The following FBXO8 variants were observed in gnomAD, a reference collection of about 807,000 sequenced individuals.
The protein encoded by FBXO8 is F-box protein 8, also known as F-box only protein 8.
FBXO8 carries 15 observed loss-of-function variants against 33.4 expected under a neutral mutation model. The observed-to-expected ratio is 0.45, with a 90% CI of 0.30 to 0.69. FBXO8 has a LOEUF of 0.69. Ranked by LOEUF, FBXO8 falls within the 30% of genes least tolerant of loss-of-function variation. The pLI is 0.08. For missense variants in FBXO8, 274 were observed against 380.3 expected (o/e 0.72, Z 2.32); for synonymous variants, 132 against 131.5 (o/e 1.00, Z -0.02).
At chr4:174,249,499 A>G (rs1030078736) in intron 3 of FBXO8, among the ~76,000 whole-genome samples, 12 of 152,034 alleles carry the variant, frequency 7.9e-5, no homozygotes, top group South Asian at 6.2e-4. Context: ...TTAAATGACT[A>G]ACCCATAAAT....
intron 1 of FBXO8, among the ~76,000 whole-genome samples, chr4:174,280,922 G>C (rs775561981): frequency 1.5e-4 from 23 of 152,252 alleles, no homozygotes; most frequent in Admixed American, 1.1e-3. Flanking sequence ...AGTTTTACAA[G>C]ATAAAAAGAG....
intron 1 of FBXO8, among the ~76,000 whole-genome samples, chr4:174,268,715 C>T (rs557819148): frequency 6.6e-6 from 1 of 152,280 alleles, no homozygotes; most frequent in Admixed American, 6.5e-5. Flanking sequence ...GGATTACAGG[C>T]GTGAGCCACC....
At chr4:174,249,930 T>C (rs1166005936) in intron 3 of FBXO8, among the ~76,000 whole-genome samples, 1 of 151,944 alleles carries the variant, frequency 6.6e-6, no homozygotes, top group Non-Finnish European at 1.5e-5. Context: ...TGAAGGACCA[T>C]TCGTCAGGTG....
At position 174,281,118 on chromosome 4, in the gene FBXO8, CAAATT is replaced by C. The variant is rs1737077054; in HGVS notation, c.-9+2287_-9+2291del. 2.0e-5 allele frequency among the ~76,000 whole-genome samples: 3 copies of C among 152,042 alleles called. No individual in the cohort carries two copies. Among genetic ancestry groups the C allele is most frequent in the African/African-American group, 7.2e-5 (3 of 41,432 alleles). On this transcript the variant is annotated intron_variant, in intron 1 of 5. Transcript: ENST00000393674. The surrounding 1 kb of genome is among the most constrained non-coding windows in gnomAD (Gnocchi z 4.6). ...AAATGAGGGAAAAAACTCTGAAAAA[CAAATT>C]AATAAATAAAAGAAGAGATGATGGC...
rs897862997 is a variant in FBXO8, at chr4:174,265,546, G to A, written c.-8-2446C>T. Among the ~76,000 whole-genome samples, 1 of 152,104 alleles carries A rather than the reference G, an allele frequency of 6.6e-6. No individual in the cohort carries two copies. The highest frequency in any genetic ancestry group is 1.5e-5 in the Non-Finnish European group (1 of 67,974). On this transcript the variant is annotated intron_variant, in intron 1 of 5. Transcript: ENST00000393674. The surrounding 1 kb of genome is among the most constrained non-coding windows in gnomAD (Gnocchi z 4.7). Reference sequence around the variant, plus strand: ...AAAAAGAAATGAGCTATCAAGCAATGAAAAGACATGGAGGAACTTTAAGTG... The same window carrying A: ...AAAAAGAAATGAGCTATCAAGCAATAAAAAGACATGGAGGAACTTTAAGTG...
chr4:174,242,028 A>G (rs1736052303), intron 3 of FBXO8, among the ~76,000 whole-genome samples: 1 of 151,626 alleles, frequency 6.6e-6, no homozygotes, highest in Admixed American at 6.6e-5. Flanking sequence ...GTTACATTCA[A>G]ATAAATGTCT....
At position 174,265,850 on chromosome 4, in the gene FBXO8, C is replaced by T. The variant is rs1028720093; in HGVS notation, c.-8-2750G>A. On this transcript the variant is annotated intron_variant, in intron 1 of 5. Coordinates refer to ENST00000393674, the MANE Select transcript of FBXO8 (RefSeq NM_012180.3). The surrounding 1 kb of genome is among the most constrained non-coding windows in gnomAD (Gnocchi z 4.7). ...GAAAAGTATTTTATTTTCACCATTG[C>T]TATTCCTCTATTTAACTTAGCAAGA... Among the ~76,000 whole-genome samples, 2 of 152,106 alleles carry T rather than the reference C, an allele frequency of 1.3e-5. No homozygotes were observed. The highest frequency in any genetic ancestry group is 2.1e-4 in the South Asian group (1 of 4,830).
At chr4:174,268,961 CAAAT>C (rs1349464511) in intron 1 of FBXO8, 1 of 152,194 alleles carries the variant, frequency 6.6e-6, no homozygotes, top group Non-Finnish European at 1.5e-5. Flanking sequence ...TTGGGAGATA[CAAAT>C]AAATGTTAGT....
intron 3 of FBXO8, among the ~76,000 whole-genome samples, chr4:174,246,578 G>A (rs13144538): frequency 1.1e-4 from 16 of 147,784 alleles, no homozygotes; most frequent in African/African-American, 3.7e-4. Context: ...AAATTAAAGG[G>A]AAAAAAGAGA....
intron 1 of FBXO8, among the ~76,000 whole-genome samples, chr4:174,273,283 T>C (rs1235875804): frequency 6.9e-6 from 1 of 145,650 alleles, no homozygotes; most frequent in African/African-American, 2.6e-5. Context: ...CAAAACTCTG[T>C]TCCTAAAAAA....
chr4:174,241,024 A>G lies in FBXO8; in HGVS notation c.575+76T>C, dbSNP rs1407739753. On this transcript the variant is annotated intron_variant, in intron 4 of 5. Transcript: ENST00000393674. This position sits in a 1 kb window ranked among gnomAD's most constrained non-coding sequence, Gnocchi z 4.2. ...AACCAGATGATTACTATGCAGTATTAGTTTTAAAGTAAAACTTAACTCATC... is the reference window on the plus strand; with the variant it reads ...AACCAGATGATTACTATGCAGTATTGGTTTTAAAGTAAAACTTAACTCATC... 3.8e-6 allele frequency: 3 copies of G among 783,372 alleles called. No individual in the cohort carries two copies. In the East Asian group the frequency reaches 8.0e-5, roughly 21 times the overall value. 48.5% of individuals were successfully genotyped at this position (783,372 alleles called of 1,614,324 possible). A position where few individuals can be genotyped will look rare whatever the true frequency, so the allele number is the denominator to read the frequency against.
In FBXO8 at chr4:174,245,417, G is replaced by A. The variant is rs1487017161; in HGVS notation, c.457-4199C>T. 1.3e-5 allele frequency among the ~76,000 whole-genome samples: 2 copies of A among 151,870 alleles called. No homozygotes were observed. The highest frequency in any genetic ancestry group is 2.9e-5 in the Non-Finnish European group (2 of 67,870). On this transcript the variant is annotated intron_variant, in intron 3 of 5. Transcript: ENST00000393674. This position sits in a 1 kb window ranked among gnomAD's most constrained non-coding sequence, Gnocchi z 4.6. ...ACAGCTCTGAATGAGGGGAACACTG[G>A]AGAAGAATGTTCCAGTTAATACTGT...
rs959567154 is a variant in FBXO8, at chr4:174,267,533, T to G, written c.-8-4433A>C. On this transcript the variant is annotated intron_variant, in intron 1 of 5. Coordinates refer to ENST00000393674, the MANE Select transcript of FBXO8 (RefSeq NM_012180.3). The surrounding 1 kb of genome is among the most constrained non-coding windows in gnomAD (Gnocchi z 4.7). ...CTGCACTCCAGCCTGAGTGACAGAG[T>G]GAGACCTTGCCTCTAAAAAAAATTA... 1.3e-5 allele frequency among the ~76,000 whole-genome samples: 2 copies of G among 152,002 alleles called. No individual in the cohort carries two copies. Among genetic ancestry groups the G allele is most frequent in the African/African-American group, 4.8e-5 (2 of 41,366 alleles).
chr4:174,245,014 T>C lies in FBXO8; in HGVS notation c.457-3796A>G, dbSNP rs932509481. Among the ~76,000 whole-genome samples the C allele has an allele frequency of 5.3e-5, 8 of 151,932 alleles. No homozygotes were observed. The South Asian group carries it at 8.3e-4, about 16-fold the overall frequency. On this transcript the variant is annotated intron_variant, in intron 3 of 5. Coordinates refer to ENST00000393674, the MANE Select transcript of FBXO8 (RefSeq NM_012180.3). The surrounding 1 kb of genome is among the most constrained non-coding windows in gnomAD (Gnocchi z 4.6). Reference sequence around the variant, plus strand: ...TTACATATATGCATCTGCTTTAAAATATTTTTTAAAACATGAAGCAATACA... The same window carrying C: ...TTACATATATGCATCTGCTTTAAAACATTTTTTAAAACATGAAGCAATACA...
In FBXO8 at chr4:174,241,334, G is replaced by A. The variant is rs2126414106; in HGVS notation, c.457-116C>T. On this transcript the variant is annotated intron_variant, in intron 3 of 5. Coordinates refer to ENST00000393674, the MANE Select transcript of FBXO8 (RefSeq NM_012180.3). This position sits in a 1 kb window ranked among gnomAD's most constrained non-coding sequence, Gnocchi z 4.2. Reference sequence around the variant, plus strand: ...TCTTTCCAGCATTAATAGACTTTTTGTAGCTTTATCATGCAAAATACAAGC... The same window carrying A: ...TCTTTCCAGCATTAATAGACTTTTTATAGCTTTATCATGCAAAATACAAGC... 1 of 555,940 alleles carries A rather than the reference G, an allele frequency of 1.8e-6. No individual in the cohort carries two copies. The highest frequency in any genetic ancestry group is 3.2e-6 in the Non-Finnish European group (1 of 315,810). 34.4% of individuals were successfully genotyped at this position (555,940 alleles called of 1,614,324 possible). A position where few individuals can be genotyped will look rare whatever the true frequency, so the allele number is the denominator to read the frequency against.
intron 1 of FBXO8, among the ~76,000 whole-genome samples, chr4:174,282,747 T>A (rs1057061275): frequency 6.6e-6 from 1 of 152,186 alleles, no homozygotes; most frequent in African/African-American, 2.4e-5. Flanking sequence ...ATTTTACTTG[T>A]AAAACAAGTA....
intron 1 of FBXO8, among the ~76,000 whole-genome samples, chr4:174,280,117 A>G (rs1490166405): frequency 6.6e-6 from 1 of 152,180 alleles, no homozygotes; most frequent in Non-Finnish European, 1.5e-5. Flanking sequence ...AATATCTATA[A>G]TTTACAGATA....
chr4:174,273,782 G>A (rs1227394877), intron 1 of FBXO8, among the ~76,000 whole-genome samples: 1 of 152,154 alleles, frequency 6.6e-6, no homozygotes, highest in Admixed American at 6.5e-5. Flanking sequence ...AAATCTCCTA[G>A]TTGTGGAATC....
At chr4:174,243,174 T>C (rs1736079304) in intron 3 of FBXO8, among the ~76,000 whole-genome samples, 1 of 151,536 alleles carries the variant, frequency 6.6e-6, no homozygotes, top group Admixed American at 6.6e-5. Flanking sequence ...TTCTGTTTTA[T>C]AAAAAACACA....
Sources: allele counts gnomAD v4.1 joint callset (sites outside exome capture counted in the v4.1 genomes callset), GRCh38; gene constraint gnomAD v4.1.1; non-coding constraint Gnocchi (gnomAD v3.1); transcripts MANE v1.5; gene names NCBI Gene and HGNC (gene_info 2026-07-23, HGNC 2026-07-21).